The following PALS2 variants were observed in gnomAD, a reference collection of about 807,000 sequenced individuals.
PALS2 encodes the protein protein PALS2.
A neutral mutation model predicts 61.6 loss-of-function variants in PALS2; 27 were observed. The ratio of observed to expected loss-of-function variants is 0.44; its 90% CI spans 0.32 to 0.60. The LOEUF (loss-of-function observed/expected upper bound fraction) is 0.60, where lower values mean the gene tolerates loss of function less well. Among genes scored for constraint, PALS2 ranks in the 20% least tolerant of loss-of-function variants. The probability of loss-of-function intolerance (pLI) is 0.05; values close to 1 mark genes in which losing one functional copy is unlikely to be tolerated. For synonymous variants in PALS2, 236 were observed against 218.6 expected (o/e 1.08, Z -0.70); for missense variants, 554 against 639.4 (o/e 0.87, Z 1.44).
At chr7:24,648,066 G>A (rs377514010) in intron 3 of PALS2, among the ~76,000 whole-genome samples, 2 of 152,038 alleles carry the variant, frequency 1.3e-5, no homozygotes, top group African/African-American at 4.8e-5. Context: ...CTTACATATG[G>A]ATTTATGAGT....
At chr7:24,626,764 C>A (rs557975079) in intron 2 of PALS2, among the ~76,000 whole-genome samples, 27 of 151,954 alleles carry the variant, frequency 1.8e-4, no homozygotes, top group Non-Finnish European at 3.4e-4. Context: ...CAACAAAGAT[C>A]AAAAAAGACA....
At chr7:24,639,404 A>G (rs972938529) in intron 2 of PALS2, among the ~76,000 whole-genome samples, 2 of 107,270 alleles carry the variant, frequency 1.9e-5, no homozygotes, top group South Asian at 3.0e-4. Context: ...CCTTTGCTGA[A>G]TACACACACA....
intron 10 of PALS2, among the ~76,000 whole-genome samples, chr7:24,680,084 T>G (rs1787838942): frequency 6.6e-6 from 1 of 152,206 alleles, no homozygotes; most frequent in Admixed American, 6.5e-5. Context: ...TTGAGGTTAT[T>G]TCTACTTTTT....
rs1295804097 is a variant in PALS2 at position 24,573,684 on chromosome 7, C to T, written c.-3+91C>T. ...CGCCCTGTTGCTCGGCGCGGCGCGC[C>T]ACGCGGGGACCCTGGCCCGCCCCGC... On this transcript the variant is annotated intron_variant, in intron 1 of 11. Coordinates refer to ENST00000222644, the MANE Select transcript of PALS2 (RefSeq NM_001303037.2). This position sits in a 1 kb window ranked among gnomAD's most constrained non-coding sequence, Gnocchi z 5.3. The T allele has an allele frequency of 1.6e-5, 3 of 183,928 alleles. No individual in the cohort carries two copies. In the East Asian group the frequency reaches 4.2e-4, roughly 26 times the overall value. 11.4% of individuals were successfully genotyped at this position (183,928 alleles called of 1,614,324 possible).
At position 24,687,914 on chromosome 7, in the gene PALS2, T is replaced by C. The variant is rs1788289905; in HGVS notation, c.*300T>C. 1 of 202,660 alleles carries C rather than the reference T, an allele frequency of 4.9e-6. No individual in the cohort carries two copies. Among genetic ancestry groups the C allele is most frequent in the South Asian group, 1.7e-4 (1 of 5,842 alleles). 12.6% of individuals were successfully genotyped at this position (202,660 alleles called of 1,614,324 possible). On this transcript the variant is annotated 3_prime_UTR_variant, in exon 12 of 12. Coordinates refer to ENST00000222644, the MANE Select transcript of PALS2 (RefSeq NM_001303037.2). The surrounding 1 kb of genome is among the most constrained non-coding windows in gnomAD (Gnocchi z 4.5). ...TGTTTTGATTTAGTACCCTTGCCTT[T>C]TTCATCAAAGGAATTTTCAAATCAT... is the stretch of plus-strand genomic sequence containing the variant.
intron 9 of PALS2, among the ~76,000 whole-genome samples, chr7:24,678,646 G>T (rs915030756): frequency 1.3e-5 from 2 of 152,070 alleles, no homozygotes; most frequent in Admixed American, 1.3e-4. Context: ...GAGAAGGAGA[G>T]TGCTGGTCAG....
At chr7:24,579,197 T>C (rs748287951) in intron 1 of PALS2, among the ~76,000 whole-genome samples, 17 of 152,202 alleles carry the variant, frequency 1.1e-4, no homozygotes, top group Admixed American at 3.9e-4. Context: ...TCACACATAA[T>C]ACAAATATTA....
At chr7:24,652,530 C>T (rs774434851) in intron 5 of PALS2, among the ~76,000 whole-genome samples, 17 of 151,742 alleles carry the variant, frequency 1.1e-4, no homozygotes, top group South Asian at 4.2e-4. Context: ...GCGTGTCCTC[C>T]CATAAAGAAG....
chr7:24,578,940 T>G (rs1164570218), intron 1 of PALS2, among the ~76,000 whole-genome samples: 1 of 152,220 alleles, frequency 6.6e-6, no homozygotes. Context: ...GGGCATGATT[T>G]GCAGTTTGAT....
rs1367657209 is a variant in PALS2 at position 24,691,395 on chromosome 7, G to GTGTC, written c.*3784_*3785insCTGT. ...GAGTTGCCATATATTATGTATGTGT[G>GTGTC]TGTGTGTGTGTATATATATATATAT... On this transcript the variant is annotated 3_prime_UTR_variant, in exon 12 of 12. Coordinates refer to ENST00000222644, the MANE Select transcript of PALS2 (RefSeq NM_001303037.2). The GTGTC allele has an allele frequency of 8.9e-6, 1 of 111,884 alleles. No individual in the cohort carries two copies. Among genetic ancestry groups the GTGTC allele is most frequent in the African/African-American group, 3.0e-5 (1 of 32,978 alleles). 6.9% of individuals were successfully genotyped at this position (111,884 alleles called of 1,614,324 possible).
At chr7:24,663,076 C>G (rs945708309) in intron 5 of PALS2, among the ~76,000 whole-genome samples, 1 of 151,670 alleles carries the variant, frequency 6.6e-6, no homozygotes, top group Non-Finnish European at 1.5e-5. Flanking sequence ...GCATATAAAT[C>G]AGAGCAAGAT....
intron 1 of PALS2, among the ~76,000 whole-genome samples, chr7:24,621,634 A>C (rs984351607): frequency 4.6e-5 from 7 of 152,050 alleles, no homozygotes; most frequent in Non-Finnish European, 1.0e-4. Flanking sequence ...GAAACAATTA[A>C]ATTCCTAGTA....
chr7:24,609,757 A>C (rs1261746399), intron 1 of PALS2, among the ~76,000 whole-genome samples: 1 of 151,918 alleles, frequency 6.6e-6, no homozygotes, highest in East Asian at 1.9e-4. Context: ...AAAGAGAACA[A>C]ACCCCCACTG....
In PALS2 at chr7:24,623,655, T is replaced by TATCTCAGCAGCAATGCAGC; in HGVS notation, c.-2-9_8dup. 1 of 1,499,102 alleles carries TATCTCAGCAGCAATGCAGC rather than the reference T, an allele frequency of 6.7e-7. No individual in the cohort carries two copies. The highest frequency in any genetic ancestry group is 9.1e-7 in the Non-Finnish European group (1 of 1,099,854). 92.9% of individuals were successfully genotyped at this position (1,499,102 alleles called of 1,614,324 possible). ...TGTTTGTTTGTTTTTATGTTGCTTT[T>TATCTCAGCAGCAATGCAGC]ATCTCAGCAGCAATGCAGCAAGTCT... On this transcript the variant is annotated splice_polypyrimidine_tract_variant and intron_variant, in intron 1 of 11. Coordinates refer to ENST00000222644, the MANE Select transcript of PALS2 (RefSeq NM_001303037.2).
chr7:24,682,509 C>T (rs1787987139), intron 11 of PALS2, among the ~76,000 whole-genome samples: 1 of 152,200 alleles, frequency 6.6e-6, no homozygotes, highest in Admixed American at 6.5e-5. Flanking sequence ...CTCTCCCCAT[C>T]CTACTGCCCA....
chr7:24,687,646 CT>C lies in PALS2; in HGVS notation c.*33del. ...AGTAAGGTTAACAATGAAAATTAAA[CT>C]CTTAAAAAGTGACTGCAACAAATAA... On this transcript the variant is annotated 3_prime_UTR_variant, in exon 12 of 12. Coordinates refer to ENST00000222644, the MANE Select transcript of PALS2 (RefSeq NM_001303037.2). This position sits in a 1 kb window ranked among gnomAD's most constrained non-coding sequence, Gnocchi z 4.5. 2.6e-6 allele frequency: 4 copies of C among 1,559,822 alleles called. 1 individual carries two copies. In the South Asian group the frequency reaches 4.9e-5, roughly 19 times the overall value.
chr7:24,592,959 A>G (rs1195414231), intron 1 of PALS2, among the ~76,000 whole-genome samples: 1 of 152,066 alleles, frequency 6.6e-6, no homozygotes, highest in Non-Finnish European at 1.5e-5. Context: ...AAAGTTTGCC[A>G]CATTGGTAGA....
intron 1 of PALS2, among the ~76,000 whole-genome samples, chr7:24,616,144 A>G (rs1583878850): frequency 6.6e-6 from 1 of 152,188 alleles, no homozygotes; most frequent in South Asian, 2.1e-4. Flanking sequence ...GAACAAGACA[A>G]GAGCATCCAC....
intron 1 of PALS2, among the ~76,000 whole-genome samples, chr7:24,621,667 G>C (rs1351023625): frequency 6.6e-6 from 1 of 152,030 alleles, no homozygotes; most frequent in Non-Finnish European, 1.5e-5. Context: ...AGTAGGATAA[G>C]TTGGGAGAAG....
Sources: gnomAD v4.1 joint callset for allele counts (sites outside exome capture counted in the v4.1 genomes callset) on GRCh38, gnomAD v4.1.1 for gene constraint, Gnocchi (gnomAD v3.1) non-coding constraint, MANE v1.5 for transcripts, NCBI Gene and HGNC (gene_info 2026-07-23, HGNC 2026-07-21) for gene names.